CALD1: variants seen among roughly 807,000 people sequenced by gnomAD.
The protein encoded by CALD1 is caldesmon 1.
Under a neutral mutation model 99.9 loss-of-function variants are expected in CALD1, and 33 were observed. The ratio of observed to expected loss-of-function variants is 0.33; its 90% CI spans 0.25 to 0.44. The LOEUF is 0.44. CALD1 is among the 20% of genes least tolerant of loss of function. The pLI, the probability that CALD1 is intolerant of heterozygous loss-of-function variation, is 1.00. For missense variants in CALD1, 861 were observed against 962.1 expected, an observed-to-expected ratio of 0.89 and a Z score of 1.39; for synonymous variants, 310 against 325.0, an observed-to-expected ratio of 0.95 and a Z score of 0.50.
intron 1 of CALD1, among the ~76,000 whole-genome samples, chr7:134,807,462 T>C (rs1477216431): frequency 6.6e-6 from 1 of 152,150 alleles, no homozygotes; most frequent in African/African-American, 2.4e-5. Context: ...GAAGGATAAA[T>C]TGCTCCTACC....
the CALD1 span, among the ~76,000 whole-genome samples, chr7:134,720,414 C>G: frequency 6.6e-6 from 1 of 152,116 alleles, no homozygotes; most frequent in African/African-American, 2.4e-5. Flanking sequence ...GGAGGTGAAG[C>G]AGAGTTTCCC....
intron 1 of CALD1, among the ~76,000 whole-genome samples, chr7:134,813,238 C>T (rs570635716): frequency 6.6e-6 from 1 of 152,238 alleles, no homozygotes; most frequent in Admixed American, 6.5e-5. Flanking sequence ...TGAATAGAGA[C>T]AACATTTTCA....
chr7:134,891,592 T>G, intron 3 of CALD1: 1 of 1,600,924 alleles, frequency 6.2e-7, no homozygotes, highest in Non-Finnish European at 8.5e-7. Flanking sequence ...CGTATCTCTC[T>G]GCCCCGCCGC....
chr7:134,724,747 G>A, the CALD1 span, among the ~76,000 whole-genome samples: 2 of 152,200 alleles, frequency 1.3e-5, no homozygotes, highest in African/African-American at 4.8e-5. Context: ...TACAGAGGAA[G>A]ATTAGGAAAG....
intron 5 of CALD1, among the ~76,000 whole-genome samples, chr7:134,935,285 GC>G (rs771839287): frequency 1.3e-5 from 2 of 152,152 alleles, no homozygotes; most frequent in Non-Finnish European, 2.9e-5. Flanking sequence ...AAAAAGAGAT[GC>G]TTTCACATTC....
At chr7:134,779,176 C>A (rs1000232488), upstream of CALD1, among the ~76,000 whole-genome samples, 5 of 152,174 alleles carry the variant, frequency 3.3e-5, no homozygotes, top group African/African-American at 1.2e-4. Flanking sequence ...TCCCCACCCC[C>A]ACGCCCAATA....
chr7:134,920,555 TG>T, intron 3 of CALD1: 1 of 1,266,196 alleles, frequency 7.9e-7, no homozygotes, highest in South Asian at 1.3e-5. Context: ...TGCAGAAAGC[TG>T]GGGACAGAAT....
At chr7:134,769,214 G>C (rs181834578) in intron 1 of CALD1, among the ~76,000 whole-genome samples, 1 of 152,040 alleles carries the variant, frequency 6.6e-6, no homozygotes, top group Admixed American at 6.6e-5. Context: ...ATGCTCGAAT[G>C]AGCTTCCTTT....
intron 6 of CALD1, among the ~76,000 whole-genome samples, chr7:134,938,301 C>T (rs1806154017): frequency 6.6e-6 from 1 of 152,174 alleles, no homozygotes; most frequent in South Asian, 2.1e-4. Context: ...GCTCGAGACA[C>T]ATCTCAGTTC....
At chr7:134,791,317 C>G (rs1356729043) in intron 1 of CALD1, among the ~76,000 whole-genome samples, 1 of 152,190 alleles carries the variant, frequency 6.6e-6, no homozygotes, top group African/African-American at 2.4e-5. Flanking sequence ...TCACCTCAGC[C>G]TCCTGAGTAG....
chr7:134,727,803 G>A, the CALD1 span, among the ~76,000 whole-genome samples: 2 of 152,146 alleles, frequency 1.3e-5, no homozygotes, highest in African/African-American at 4.8e-5. Flanking sequence ...TCTCAGTTTG[G>A]TGATGAGGAG....
upstream of CALD1, chr7:134,779,495 AT>A (rs1797019612): frequency 2.6e-6 from 1 of 391,490 alleles, no homozygotes; most frequent in Non-Finnish European, 4.5e-6. Flanking sequence ...GGGTGTCGTC[AT>A]TGGCTGCCTA....
chr7:134,789,869 A>G (rs1449817679), intron 1 of CALD1, among the ~76,000 whole-genome samples: 2 of 152,044 alleles, frequency 1.3e-5, no homozygotes, highest in Non-Finnish European at 2.9e-5. Context: ...GAAGCAGACA[A>G]CTTCCACTGT....
intron 1 of CALD1, among the ~76,000 whole-genome samples, chr7:134,782,469 G>A (rs928230680): frequency 1.3e-5 from 2 of 152,236 alleles, no homozygotes; most frequent in African/African-American, 4.8e-5. Context: ...CATAAGTCCT[G>A]AGTAGATGGG....
intron 1 of CALD1, among the ~76,000 whole-genome samples, chr7:134,802,137 T>A (rs1270670197): frequency 6.6e-6 from 1 of 151,910 alleles, no homozygotes; most frequent in Non-Finnish European, 1.5e-5. Context: ...TATGTCTATA[T>A]ATAAGGTATA....
intron 7 of CALD1, 127 bp from the exon 8 acceptor site, chr7:134,947,381 C>T (rs1806967952): frequency 2.1e-6 from 2 of 947,854 alleles, no homozygotes; most frequent in Non-Finnish European, 3.1e-6. Context: ...CCAGCCTACC[C>T]CCTGGGCTAA....
At chr7:134,861,244 CT>C (rs5887710) in intron 2 of CALD1, among the ~76,000 whole-genome samples, 32,874 of 152,086 alleles carry the variant, frequency 0.22, 3,853 homozygotes, top group African/African-American at 0.28. Flanking sequence ...CAGTCTCAGT[CT>C]CCTAGGTCTC....
intron 3 of CALD1, among the ~76,000 whole-genome samples, chr7:134,923,358 A>C (rs1185827332): frequency 6.6e-6 from 1 of 152,362 alleles, no homozygotes; most frequent in East Asian, 1.9e-4. Flanking sequence ...TTTTTTAAAA[A>C]ATAGATCCAC....
intron 9 of CALD1, among the ~76,000 whole-genome samples, chr7:134,953,028 T>G (rs947413407): frequency 6.6e-6 from 1 of 152,198 alleles, no homozygotes; most frequent in African/African-American, 2.4e-5. Context: ...ATTACAAAAG[T>G]GAGCAGAGCA....
Sources: gnomAD v4.1 joint callset for allele counts (sites outside exome capture counted in the v4.1 genomes callset) on GRCh38, gnomAD v4.1.1 for gene constraint, MANE v1.5 for transcripts, NCBI Gene and HGNC (gene_info 2026-07-23, HGNC 2026-07-21) for gene names.